C14orf39: variants seen among roughly 807,000 people sequenced by gnomAD.
C14orf39 encodes the protein protein SIX6OS1.
A neutral mutation model predicts 85.6 loss-of-function variants in C14orf39; 66 were observed. That is an observed-to-expected ratio of 0.77 (90% confidence interval 0.63 to 0.95). The LOEUF (loss-of-function observed/expected upper bound fraction) is 0.95. C14orf39 is among the 40% of genes least tolerant of loss of function. The pLI is 0.00. For synonymous variants in C14orf39, 242 were observed against 214.0 expected (o/e 1.13, Z -1.14); for missense variants, 735 against 663.9 (o/e 1.11, Z -1.18).
At chr14:60,499,997 C>G (rs1893117604) in intron 1 of C14orf39, among the ~76,000 whole-genome samples, 1 of 151,926 alleles carries the variant, frequency 6.6e-6, no homozygotes, top group East Asian at 1.9e-4. Flanking sequence ...GATTAATGAC[C>G]AGAGTGTGAG....
chr14:60,497,674 G>A (rs1311170826), intron 2 of C14orf39, among the ~76,000 whole-genome samples: 2 of 152,102 alleles, frequency 1.3e-5, no homozygotes, highest in South Asian at 2.1e-4. Context: ...TCAGGAGTTC[G>A]AAACTAGCCT....
intron 5 of C14orf39, among the ~76,000 whole-genome samples, chr14:60,475,082 G>C (rs1892305253): frequency 6.6e-6 from 1 of 152,108 alleles, no homozygotes; most frequent in East Asian, 1.9e-4. Context: ...TTCAGAGCCT[G>C]TTATTGGTCT....
At chr14:60,488,485 C>G (rs958682847), upstream of C14orf39, among the ~76,000 whole-genome samples, 1 of 152,148 alleles carries the variant, frequency 6.6e-6, no homozygotes, top group African/African-American at 2.4e-5. Context: ...CTCAGATAAA[C>G]ATTTATCTTA....
chr14:60,455,908 C>T (rs1259993932), intron 15 of C14orf39, among the ~76,000 whole-genome samples: 1 of 152,094 alleles, frequency 6.6e-6, no homozygotes, highest in Non-Finnish European at 1.5e-5. Flanking sequence ...ATAACTATCT[C>T]TATTACCATA....
intron 1 of C14orf39, chr14:60,511,356 A>AC: frequency 7.4e-7 from 1 of 1,356,748 alleles, no homozygotes. Context: ...AGCGCCACAG[A>AC]AGCCAGGTGA....
At chr14:60,486,257 A>G (rs971055777), upstream of C14orf39, among the ~76,000 whole-genome samples, 1 of 152,242 alleles carries the variant, frequency 6.6e-6, no homozygotes, top group African/African-American at 2.4e-5. Flanking sequence ...TGCTGGAGTT[A>G]GAGGACCCTC....
intron 1 of C14orf39, among the ~76,000 whole-genome samples, chr14:60,508,011 T>C (rs2140186455): frequency 6.6e-6 from 1 of 152,268 alleles, no homozygotes; most frequent in Non-Finnish European, 1.5e-5. Context: ...AAGTTGCCAA[T>C]TCACTCCACT....
rs1427194382 is a variant in C14orf39 at position 60,484,847 on chromosome 14, G to A, written c.106+34C>T. On this transcript the variant is annotated intron_variant, in intron 3 of 17. Coordinates refer to ENST00000321731, the MANE Select transcript of C14orf39 (RefSeq NM_174978.3). This position sits in a 1 kb window ranked among gnomAD's most constrained non-coding sequence, Gnocchi z 4.2. ...TGTTATATGCCATAAGGAATTAAAAGACTAAAATATCTTGATCATGCAAAG... is the reference window on the plus strand; with the variant it reads ...TGTTATATGCCATAAGGAATTAAAAAACTAAAATATCTTGATCATGCAAAG... The A allele has an allele frequency of 6.9e-7, 1 of 1,441,090 alleles. No individual in the cohort carries two copies. The highest frequency in any genetic ancestry group is 1.2e-5 in the South Asian group (1 of 81,944). 89.3% of individuals were successfully genotyped at this position (1,441,090 alleles called of 1,614,324 possible).
At chr14:60,454,481 C>T (rs1891175943) in intron 16 of C14orf39, among the ~76,000 whole-genome samples, 3 of 151,968 alleles carry the variant, frequency 2.0e-5, no homozygotes, top group Admixed American at 2.0e-4. Flanking sequence ...GTTTTAACCA[C>T]TACACTGTAA....
At chr14:60,489,486 A>T (rs1053014691), upstream of C14orf39, among the ~76,000 whole-genome samples, 1 of 152,282 alleles carries the variant, frequency 6.6e-6, no homozygotes, top group South Asian at 2.1e-4. Context: ...TATAGAAAAT[A>T]TAGAAGACAT....
chr14:60,452,133 G>C (rs1891066286), intron 16 of C14orf39, among the ~76,000 whole-genome samples: 1 of 146,360 alleles, frequency 6.8e-6, no homozygotes, highest in Non-Finnish European at 1.5e-5. Context: ...GTTGCAGTGA[G>C]CCGACATTGT....
At chr14:60,461,287 C>T (rs2140089369) in intron 13 of C14orf39, 67 bp downstream of exon 13, 1 of 1,339,674 alleles carries the variant, frequency 7.5e-7, no homozygotes, top group East Asian at 2.3e-5. Flanking sequence ...ATTTATTTGA[C>T]TAATGTAAAA....
chr14:60,472,433 G>T (rs903570899), intron 5 of C14orf39, among the ~76,000 whole-genome samples: 1 of 152,004 alleles, frequency 6.6e-6, no homozygotes, highest in Non-Finnish European at 1.5e-5. Context: ...TAAGTTTTAG[G>T]GTATATGTGC....
chr14:60,462,820 C>T (rs1054445157), intron 11 of C14orf39, among the ~76,000 whole-genome samples: 2 of 151,900 alleles, frequency 1.3e-5, no homozygotes, highest in African/African-American at 4.8e-5. Flanking sequence ...CATCAGCTAT[C>T]GTTAGTGTTA....
chr14:60,471,669 T>C lies in C14orf39; in HGVS notation c.394A>G (p.Thr132Ala). The change falls in exon 6 of 18, where the codon ACA becomes GCA. Residue 132 changes from threonine to alanine, a missense_variant. Physicochemically the swap from Thr to Ala is moderately conservative, Grantham distance 58. Coordinates refer to ENST00000321731, the MANE Select transcript of C14orf39 (RefSeq NM_174978.3). ...TCATAATATTCACGTGAAAAGGGTGTTTCTGAGTATTTTAGTTGGTACTGC... is the reference window on the plus strand; with the variant it reads ...TCATAATATTCACGTGAAAAGGGTGCTTCTGAGTATTTTAGTTGGTACTGC... ...LKQYQLKYSE[T>A]PFSREYYEKK... 6.2e-7 allele frequency: 1 copy of C among 1,607,298 alleles called. No individual in the cohort carries two copies. Among genetic ancestry groups the C allele is most frequent in the Non-Finnish European group, 8.5e-7 (1 of 1,175,778 alleles).
At chr14:60,509,137 G>A in intron 1 of C14orf39, 1 of 522,668 alleles carries the variant, frequency 1.9e-6, no homozygotes, top group Non-Finnish European at 3.4e-6. Flanking sequence ...CCGCCAATCC[G>A]CCCACCCCAA....
Position 60,469,638 on chromosome 14 carries a change from A to T in C14orf39, c.570T>A (p.Cys190Ter). Residue 190 changes from cysteine (C) to a stop codon, truncating the protein, a stop_gained, in exon 8 of 18, where the codon TGT becomes TGA. Transcript: ENST00000321731. LOFTEE classifies it high-confidence loss of function. ...KWTLNIVNLR[C>*]ETQDILKHAS... ...CATGTTTAAGAATATCTTGTGTTTC[A>T]CATCTCAAATTAACACTTTTTATGT... The T allele has an allele frequency of 7.2e-7, 1 of 1,380,898 alleles. No homozygotes were observed. Among genetic ancestry groups the T allele is most frequent in the Non-Finnish European group, 9.8e-7 (1 of 1,017,894 alleles). 85.5% of individuals were successfully genotyped at this position (1,380,898 alleles called of 1,614,324 possible).
intron 10 of C14orf39, among the ~76,000 whole-genome samples, chr14:60,466,693 G>T (rs980191156): frequency 1.3e-5 from 2 of 151,554 alleles, no homozygotes; most frequent in African/African-American, 4.8e-5. Flanking sequence ...CACTTTTTTT[G>T]AAATTTATTG....
At chr14:60,445,593 T>TA (rs1388761972) in intron 16 of C14orf39, among the ~76,000 whole-genome samples, 2 of 152,118 alleles carry the variant, frequency 1.3e-5, no homozygotes, top group African/African-American at 4.8e-5. Flanking sequence ...CAAAGAGACT[T>TA]AGACTCCCAC....
Sources: gnomAD v4.1 joint callset for allele counts (sites outside exome capture counted in the v4.1 genomes callset) on GRCh38, gnomAD v4.1.1 for gene constraint, Gnocchi (gnomAD v3.1) non-coding constraint, MANE v1.5 for transcripts, NCBI Gene and HGNC (gene_info 2026-07-23, HGNC 2026-07-21) for gene names.